SSBP2: variants seen among roughly 807,000 people sequenced by gnomAD.
The protein encoded by SSBP2 is single-stranded DNA-binding protein 2.
In SSBP2, 17 loss-of-function variants were observed where a neutral mutation model predicts 61.8. The ratio of observed to expected loss-of-function variants is 0.28; its 90% CI spans 0.19 to 0.41. The LOEUF is 0.41. Ranked by LOEUF, SSBP2 falls within the 10% of genes least tolerant of loss-of-function variation. The pLI, the probability that SSBP2 is intolerant of heterozygous loss-of-function variation, is 1.00. For missense variants in SSBP2, 310 were observed against 458.7 expected, an observed-to-expected ratio of 0.68 and a Z score of 2.96; for synonymous variants, 139 against 141.3, an observed-to-expected ratio of 0.98 and a Z score of 0.12.
intron 2 of SSBP2, among the ~76,000 whole-genome samples, chr5:81,644,590 G>A (rs1052314328): frequency 1.3e-5 from 2 of 152,274 alleles, no homozygotes; most frequent in South Asian, 2.1e-4. Context: ...TGCCTATACT[G>A]TACAATGCCT....
chr5:81,467,100 G>T, intron 8 of SSBP2, 35 bp from the exon 9 acceptor site: 1 of 1,431,114 alleles, frequency 7.0e-7, no homozygotes, highest in Non-Finnish European at 9.7e-7. Flanking sequence ...CCAAAGAGGA[G>T]GGGGGAAAGA....
At chr5:81,650,791 A>T (rs1440637252) in intron 1 of SSBP2, among the ~76,000 whole-genome samples, 1 of 152,154 alleles carries the variant, frequency 6.6e-6, no homozygotes, top group African/African-American at 2.4e-5. Context: ...ATATGCCACA[A>T]CTTGCGTTGA....
intron 1 of SSBP2, among the ~76,000 whole-genome samples, chr5:81,663,463 TGTTTCC>T (rs1170906917): frequency 6.6e-6 from 1 of 152,082 alleles, no homozygotes; most frequent in Non-Finnish European, 1.5e-5. Context: ...ATTCATCAAG[TGTTTCC>T]TTACATTTTA....
intron 4 of SSBP2, among the ~76,000 whole-genome samples, chr5:81,543,576 G>A (rs1370329876): frequency 2.0e-5 from 3 of 152,020 alleles, no homozygotes; most frequent in Non-Finnish European, 2.9e-5. Context: ...TGGGTGATAA[G>A]ATCATTCATA....
intron 10 of SSBP2, among the ~76,000 whole-genome samples, chr5:81,458,587 A>T (rs1580736378): frequency 6.6e-6 from 1 of 152,210 alleles, no homozygotes; most frequent in Admixed American, 6.5e-5. Context: ...ATATTTGAAA[A>T]CAGCAAAAAC....
chr5:81,558,565 C>T (rs968765930), intron 4 of SSBP2, among the ~76,000 whole-genome samples: 4 of 152,166 alleles, frequency 2.6e-5, no homozygotes, highest in Admixed American at 2.6e-4. Context: ...TAAAATTTTG[C>T]ATGTCTAAAC....
At chr5:81,697,443 AT>A (rs1194020137) in intron 1 of SSBP2, among the ~76,000 whole-genome samples, 5 of 152,308 alleles carry the variant, frequency 3.3e-5, no homozygotes, top group Admixed American at 3.3e-4. Context: ...ATAGTCTATG[AT>A]TGCTTGTATT....
intron 1 of SSBP2, among the ~76,000 whole-genome samples, chr5:81,696,708 T>C (rs1293597887): frequency 6.6e-6 from 1 of 152,192 alleles, no homozygotes; most frequent in Non-Finnish European, 1.5e-5. Flanking sequence ...CTAATTTACA[T>C]ACCACCTTTT....
chr5:81,526,570 C>CA (rs1769956946), intron 4 of SSBP2, among the ~76,000 whole-genome samples: 6 of 152,022 alleles, frequency 3.9e-5, no homozygotes, highest in Admixed American at 6.6e-5. Context: ...CAGTTGTTCA[C>CA]ATAAAATGGC....
chr5:81,567,498 G>A (rs959733166), intron 4 of SSBP2, among the ~76,000 whole-genome samples: 2 of 152,186 alleles, frequency 1.3e-5, no homozygotes, highest in African/African-American at 2.4e-5. Flanking sequence ...TTTGCTGTAG[G>A]GGCAGGGCTC....
intron 1 of SSBP2, among the ~76,000 whole-genome samples, chr5:81,671,530 A>C (rs1465806165): frequency 6.6e-6 from 1 of 152,142 alleles, no homozygotes; most frequent in Non-Finnish European, 1.5e-5. Flanking sequence ...TTAGTACCAT[A>C]AGGATAATTC....
At chr5:81,432,963 G>A (rs1279949779) in intron 15 of SSBP2, among the ~76,000 whole-genome samples, 16 of 133,872 alleles carry the variant, frequency 1.2e-4, no homozygotes, top group Middle Eastern at 4.3e-3. Context: ...CCAGCCAGCC[G>A]CCCCGTCCGG....
intron 5 of SSBP2, among the ~76,000 whole-genome samples, chr5:81,495,879 C>T (rs1011770080): frequency 9.2e-5 from 14 of 151,830 alleles, no homozygotes; most frequent in African/African-American, 3.1e-4. Flanking sequence ...AATTAAAAAT[C>T]ATTAAAAAGT....
intron 16 of SSBP2, among the ~76,000 whole-genome samples, chr5:81,426,818 T>A (rs755688384): frequency 2.0e-5 from 3 of 152,222 alleles, no homozygotes; most frequent in Non-Finnish European, 4.4e-5. Context: ...GAAGAGTTCC[T>A]CTTGTCACTG....
chr5:81,526,300 A>T (rs1320879904), intron 4 of SSBP2, among the ~76,000 whole-genome samples: 1 of 152,024 alleles, frequency 6.6e-6, no homozygotes, highest in South Asian at 2.1e-4. Context: ...AAACTTCTTA[A>T]ATTTTATCTA....
rs1276621397 is a variant in SSBP2 at position 81,489,251 on chromosome 5, T to C, written c.431A>G (p.Gln144Arg). ...ACTTACATAGCACATAAATCTTACCTGATTAGGTATCCTCAATGGGGGCCT... is the reference window on the plus strand; with the variant it reads ...ACTTACATAGCACATAAATCTTACCCGATTAGGTATCCTCAATGGGGGCCT... Residue 144 changes from glutamine to arginine, a missense_variant and splice_region_variant, in exon 6 of 17, where the codon CAG becomes CGG. Gln to Arg is a conservative substitution (Grantham distance 43). Transcript: ENST00000320672. 1.2e-6 allele frequency: 2 copies of C among 1,608,686 alleles called. No individual in the cohort carries two copies. The highest frequency in any genetic ancestry group is 1.7e-5 in the Admixed American group (1 of 58,810).
chr5:81,596,208 A>T (rs1316122339), intron 4 of SSBP2, among the ~76,000 whole-genome samples: 1 of 152,146 alleles, frequency 6.6e-6, no homozygotes, highest in Admixed American at 6.5e-5. Flanking sequence ...ACAAACAGAG[A>T]GCCAAATCAT....
At chr5:81,547,979 TA>T (rs1771870164) in intron 4 of SSBP2, among the ~76,000 whole-genome samples, 1 of 152,178 alleles carries the variant, frequency 6.6e-6, no homozygotes, top group African/African-American at 2.4e-5. Context: ...TGTTACTGTG[TA>T]AACCCATGGA....
chr5:81,461,625 T>C (rs1176675113), intron 9 of SSBP2, among the ~76,000 whole-genome samples: 2 of 152,254 alleles, frequency 1.3e-5, no homozygotes, highest in East Asian at 1.9e-4. Context: ...CACATTACTT[T>C]TATATTTATT....
Sources: gnomAD v4.1 joint callset for allele counts (sites outside exome capture counted in the v4.1 genomes callset) on GRCh38, gnomAD v4.1.1 for gene constraint, MANE v1.5 for transcripts, NCBI Gene and HGNC (gene_info 2026-07-23, HGNC 2026-07-21) for gene names.